DYNC2H1: variants seen among roughly 807,000 people sequenced by gnomAD.
DYNC2H1 encodes dynein cytoplasmic 2 heavy chain 1, also known as cytoplasmic dynein 2 heavy chain 1.
Under a neutral mutation model 570.0 loss-of-function variants are expected in DYNC2H1, and 410 were observed. The observed-to-expected ratio is 0.72, with a 90% CI of 0.66 to 0.78. The LOEUF is 0.78. Among genes scored for constraint, DYNC2H1 ranks in the 30% least tolerant of loss-of-function variants. The pLI is 0.00. For missense variants in DYNC2H1, 4,865 were observed against 5,046.4 expected (o/e 0.96, Z 1.09); for synonymous variants, 1,688 against 1,677.6 (o/e 1.01, Z -0.15).
At position 103,184,985 on chromosome 11, in the gene DYNC2H1, T is replaced by C. The variant is rs1862009918; in HGVS notation, c.6567T>C (p.Ile2189=). 6.2e-7 allele frequency: 1 copy of C among 1,610,974 alleles called. No homozygotes were observed. The highest frequency in any genetic ancestry group is 8.5e-7 in the Non-Finnish European group (1 of 1,178,008). The change falls in exon 41 of 89, where the codon ATT becomes ATC. Residue 2189 remains isoleucine (I), a synonymous_variant. Transcript: ENST00000375735. ...LHGCRDHDEF[I]INLIRGLGGN... The stretch of plus-strand genomic sequence containing the variant: ...GTTGCAGAGATCATGACGAATTCAT[T>C]ATTAATCTCATAAGGGGACTTGGTG...
At chr11:103,194,548 C>G (rs1041733124) in intron 47 of DYNC2H1, among the ~76,000 whole-genome samples, 2 of 151,896 alleles carry the variant, frequency 1.3e-5, no homozygotes, top group Admixed American at 1.3e-4. Context: ...GGTGTTGTTA[C>G]TATTTTGTAT....
In DYNC2H1 at chr11:103,205,110, C is replaced by A; in HGVS notation, c.8454+146C>A. The A allele has an allele frequency of 2.7e-6, 2 of 750,502 alleles. No individual in the cohort carries two copies. The highest frequency in any genetic ancestry group is 4.1e-6 in the Non-Finnish European group (2 of 493,134). 46.5% of individuals were successfully genotyped at this position (750,502 alleles called of 1,614,324 possible). A position where few individuals can be genotyped will look rare whatever the true frequency, so the allele number is the denominator to read the frequency against. On this transcript the variant is annotated intron_variant, in intron 52 of 88. Transcript: ENST00000375735. The surrounding 1 kb of genome is among the most constrained non-coding windows in gnomAD (Gnocchi z 4.5). ...TATGTTTGGAAATGTCTGTTTTCTT[C>A]GTACTCTTGCATCATAATTTAGTTG...
chr11:103,470,075 T>C (rs561476933), intron 88 of DYNC2H1, among the ~76,000 whole-genome samples: 21 of 151,370 alleles, frequency 1.4e-4, no homozygotes, highest in Admixed American at 7.2e-4. Context: ...ACAATAAAAA[T>C]AGAGCTTGAA....
Position 103,197,963 on chromosome 11 carries a change from A to T in DYNC2H1, c.7739A>T (p.His2580Leu). ...DSFYVTWGAR[H>L]NSGARAAPGQ... ...TTCTACGTTACATGGGGAGCTCGGC[A>T]TAATTCAGGAGCAAGGGCAGCCCCA... The change falls in exon 48 of 89, where the codon CAT (histidine) becomes CTT (leucine). Residue 2580 changes from histidine to leucine, a missense_variant. Physicochemically the swap from His to Leu is moderately conservative, Grantham distance 99 (BLOSUM62 -3). Around this residue, in one of 5 missense-constraint regions of DYNC2H1, gnomAD observed 2,401 missense variants for 2,454.6 expected, o/e 0.98. Coordinates refer to ENST00000375735, the MANE Select transcript of DYNC2H1 (RefSeq NM_001377.3). 6.4e-7 allele frequency: 1 copy of T among 1,569,752 alleles called. No homozygotes were observed. The highest frequency in any genetic ancestry group is 8.6e-7 in the Non-Finnish European group (1 of 1,156,376).
intron 84 of DYNC2H1, among the ~76,000 whole-genome samples, chr11:103,417,988 A>T (rs1943349111): frequency 6.6e-6 from 1 of 151,318 alleles, no homozygotes; most frequent in African/African-American, 2.4e-5. Flanking sequence ...GCTAGTCGTG[A>T]TTAAAAAAAA....
At chr11:103,332,563 A>G (rs1200574463) in intron 82 of DYNC2H1, among the ~76,000 whole-genome samples, 1 of 152,230 alleles carries the variant, frequency 6.6e-6, no homozygotes, top group Non-Finnish European at 1.5e-5. Context: ...CACACACCAC[A>G]TACAAGAAAC....
intron 67 of DYNC2H1, 86 bp downstream of exon 67, chr11:103,255,620 A>T (rs1459481234): frequency 7.3e-7 from 1 of 1,374,454 alleles, no homozygotes; most frequent in Non-Finnish European, 9.6e-7. Context: ...AATTAATAGT[A>T]TCTTCAGATT....
chr11:103,433,520 A>C (rs1329883313), intron 84 of DYNC2H1, among the ~76,000 whole-genome samples: 1 of 152,178 alleles, frequency 6.6e-6, no homozygotes, highest in African/African-American at 2.4e-5. Context: ...GGTTTCTCAC[A>C]AGGCTCAGCT....
rs60223334 is a variant in DYNC2H1 at position 103,423,408 on chromosome 11, TAAAAAAAAA to T, written c.12367-12513_12367-12505del. ...ATTAAATAGCCAAAAGCCAAAAAAG[TAAAAAAAAA>T]AAAAAAAAAAAAAAAAAAAAACCCT... is the stretch of plus-strand genomic sequence containing the variant. On this transcript the variant is annotated intron_variant, in intron 84 of 88. Coordinates refer to ENST00000375735, the MANE Select transcript of DYNC2H1 (RefSeq NM_001377.3). Among the ~76,000 whole-genome samples, 3 of 120,430 alleles carry T rather than the reference TAAAAAAAAA, an allele frequency of 2.5e-5. 1 individual carries two copies. The highest frequency in any genetic ancestry group is 4.4e-4 in the East Asian group (2 of 4,576). 79.0% of individuals were successfully genotyped at this position (120,430 alleles called of 152,430 possible). A position where few individuals can be genotyped will look rare whatever the true frequency, so the allele number is the denominator to read the frequency against.
In DYNC2H1 at chr11:103,170,027, A is replaced by G; in HGVS notation, c.4969-81A>G. Reference sequence around the variant, plus strand: ...CTGTTTGTTGCATTTTTATCTTTTTAACTACAATCTCATGCTGTAAAAATA... The same window carrying G: ...CTGTTTGTTGCATTTTTATCTTTTTGACTACAATCTCATGCTGTAAAAATA... On this transcript the variant is annotated intron_variant, in intron 32 of 88. Transcript: ENST00000375735. This position sits in a 1 kb window ranked among gnomAD's most constrained non-coding sequence, Gnocchi z 4.8. The G allele has an allele frequency of 7.8e-7, 1 of 1,281,678 alleles. No individual in the cohort carries two copies. The highest frequency in any genetic ancestry group is 1.0e-6 in the Non-Finnish European group (1 of 965,760). 79.4% of individuals were successfully genotyped at this position (1,281,678 alleles called of 1,614,324 possible).
At chr11:103,154,197 T>A (rs976906384) in intron 22 of DYNC2H1, among the ~76,000 whole-genome samples, 2 of 151,914 alleles carry the variant, frequency 1.3e-5, no homozygotes, top group East Asian at 1.9e-4. Context: ...AGTTTTGACT[T>A]CTTTGGAAAA....
At chr11:103,118,742 G>C (rs796749579) in intron 6 of DYNC2H1, among the ~76,000 whole-genome samples, 1 of 152,092 alleles carries the variant, frequency 6.6e-6, no homozygotes, top group African/African-American at 2.4e-5. Context: ...TTGGTTGATA[G>C]GTCTCCTGAA....
chr11:103,276,303 A>G (rs967967151), intron 70 of DYNC2H1, among the ~76,000 whole-genome samples: 1 of 152,110 alleles, frequency 6.6e-6, no homozygotes, highest in Admixed American at 6.6e-5. Flanking sequence ...ACTTACAGGA[A>G]GGTCTTTTCA....
At position 103,468,678 on chromosome 11, in the gene DYNC2H1, C is replaced by A. The variant is rs1446072257; in HGVS notation, c.12738C>A (p.Leu4246=). Residue 4246 remains leucine (L), a synonymous_variant, in exon 88 of 89, where the codon CTC becomes CTA. Transcript: ENST00000375735. The part of the protein sequence containing the change: ...QLDSPSVSSV[L]PCFMGWIPQD... ...ATTCTCCCAGCGTGTCATCAGTGCT[C>A]CCTTGTTTTATGGGCTGGATTCCAC... The A allele has an allele frequency of 3.1e-6, 5 of 1,613,312 alleles. No individual in the cohort carries two copies. Among genetic ancestry groups the A allele is most frequent in the East Asian group, 2.2e-5 (1 of 44,854 alleles).
chr11:103,418,762 G>A (rs1943374349), intron 84 of DYNC2H1, among the ~76,000 whole-genome samples: 2 of 152,128 alleles, frequency 1.3e-5, no homozygotes, highest in Non-Finnish European at 2.9e-5. Context: ...CCCAGCCAAG[G>A]GAAGCAGTGA....
At chr11:103,143,757 T>C (rs965872098) in intron 18 of DYNC2H1, among the ~76,000 whole-genome samples, 2 of 152,174 alleles carry the variant, frequency 1.3e-5, no homozygotes, top group Non-Finnish European at 2.9e-5. Context: ...GCTTTTGTAC[T>C]GCTCTGCTTC....
intron 82 of DYNC2H1, among the ~76,000 whole-genome samples, chr11:103,355,827 T>G (rs897427719): frequency 2.6e-5 from 4 of 152,142 alleles, no homozygotes; most frequent in Non-Finnish European, 5.9e-5. Context: ...TCCTTCCAAC[T>G]CAGCCTCCCC....
rs571044263 is a variant in DYNC2H1, at chr11:103,253,270, GT to G, written c.10043-7del. Reference sequence around the variant, plus strand: ...GAAGATTCAGACCAACCAATTGTGTGTTTTTTTTAAATAGGACCACGTTATG... The same window carrying G: ...GAAGATTCAGACCAACCAATTGTGTGTTTTTTTAAATAGGACCACGTTATG... On this transcript the variant is annotated splice_polypyrimidine_tract_variant and intron_variant, in intron 65 of 88. Coordinates refer to ENST00000375735, the MANE Select transcript of DYNC2H1 (RefSeq NM_001377.3). 6 of 1,584,658 alleles carry G rather than the reference GT, an allele frequency of 3.8e-6. No individual in the cohort carries two copies. Among genetic ancestry groups the G allele is most frequent in the South Asian group, 1.2e-5 (1 of 85,594 alleles).
intron 83 of DYNC2H1, among the ~76,000 whole-genome samples, chr11:103,364,167 A>G (rs1226960086): frequency 1.3e-5 from 2 of 152,222 alleles, no homozygotes; most frequent in African/African-American, 4.8e-5. Flanking sequence ...CTAATGCAGT[A>G]CCTACATTTG....
Sources: gnomAD v4.1 joint callset for allele counts (sites outside exome capture counted in the v4.1 genomes callset) on GRCh38, gnomAD v4.1.1 for gene constraint, gnomAD v4.1.1 regional missense constraint, Gnocchi (gnomAD v3.1) non-coding constraint, MANE v1.5 for transcripts, NCBI Gene and HGNC (gene_info 2026-07-23, HGNC 2026-07-21) for gene names.